PAPLN: variants seen among roughly 807,000 people sequenced by gnomAD.
PAPLN encodes papilin.
Under a neutral mutation model 159.0 loss-of-function variants are expected in PAPLN, and 146 were observed. That is an observed-to-expected ratio of 0.92 (90% CI 0.80 to 1.05). The LOEUF (loss-of-function observed/expected upper bound fraction) is 1.05. Ranked by LOEUF, PAPLN falls within the 50% of genes least tolerant of loss-of-function variation. The pLI is 0.00. For synonymous variants in PAPLN, 734 were observed against 702.9 expected (o/e 1.04, Z -0.70); for missense variants, 1,720 against 1,743.9 (o/e 0.99, Z 0.24).
Position 73,260,790 on chromosome 14 carries a change from C to T in PAPLN, c.2067C>T (p.Ser689=), listed in dbSNP as rs774278469. ...AGCTKSYGGD[S]TGGMPRSRAV... ...GCACAAAGTCGTATGGTGGTGACAG[C>T]ACCGGGGGCATGCCCAGGTCAAGGG... Residue 689 remains serine (S), a synonymous_variant, in exon 17 of 27, where the codon AGC becomes AGT. Transcript: ENST00000644200. 3 of 1,494,450 alleles carry T rather than the reference C, an allele frequency of 2.0e-6. No homozygotes were observed. The highest frequency in any genetic ancestry group is 1.4e-5 in the South Asian group (1 of 71,410). The allele number at this position is 1,494,450 out of a possible 1,614,324, so 92.6% of individuals were successfully genotyped here.
rs745888538 is a variant in PAPLN at position 73,268,562 on chromosome 14, G to T, written c.3506G>T (p.Gly1169Val). 1 of 1,611,722 alleles carries T rather than the reference G, an allele frequency of 6.2e-7. No individual in the cohort carries two copies. Among genetic ancestry groups the T allele is most frequent in the East Asian group, 2.2e-5 (1 of 44,766 alleles). Reference protein sequence around the residue: ...ESVNIRWSRNGLPVQADGHRV... With the variant: ...ESVNIRWSRNVLPVQADGHRV... ...CAGTGTCCTCTCTCCTCCAGGAACG[G>T]GCTACCTGTGCAGGCTGATGGCCAC... The change falls in exon 26 of 27, where the codon GGG becomes GTG. Residue 1169 changes from glycine (G) to valine (V), a missense_variant. Transcript: ENST00000644200.
rs762145608 is a variant in PAPLN at position 73,253,973 on chromosome 14, G to A, written c.1302+12G>A. 1 of 1,603,468 alleles carries A rather than the reference G, an allele frequency of 6.2e-7. No individual in the cohort carries two copies. Among genetic ancestry groups the A allele is most frequent in the Admixed American group, 1.7e-5 (1 of 59,634 alleles). On this transcript the variant is annotated intron_variant, in intron 12 of 26. Coordinates refer to ENST00000644200, the MANE Select transcript of PAPLN (RefSeq NM_001365906.3). ...AGCCCTGGGGAGAGGTCAGGCCCCT[G>A]GCCCGCATGGGGCTGGTGCTGGACC...
intron 11 of PAPLN, 56 bp downstream of exon 11, chr14:73,252,831 G>A (rs921899581): frequency 1.1e-5 from 18 of 1,605,272 alleles, no homozygotes; most frequent in Admixed American, 1.7e-5. Flanking sequence ...TGGGTGGGAA[G>A]GGAACAAGGC....
chr14:73,258,930 C>T, intron 14 of PAPLN, 49 bp from the exon 15 acceptor site: 2 of 1,532,402 alleles, frequency 1.3e-6, no homozygotes, highest in Non-Finnish European at 1.8e-6. Context: ...TCAGGTCCAT[C>T]CTCTCTTCCT....
In PAPLN at chr14:73,274,394, C is replaced by T. The variant is rs1290601364; in HGVS notation, c.*1730C>T. 6.6e-6 allele frequency: 1 copy of T among 152,142 alleles called. No homozygotes were observed. Among genetic ancestry groups the T allele is most frequent in the Non-Finnish European group, 1.5e-5 (1 of 68,036 alleles). 9.4% of individuals were successfully genotyped at this position (152,142 alleles called of 1,614,324 possible). On this transcript the variant is annotated 3_prime_UTR_variant, in exon 27 of 27. Transcript: ENST00000644200. The stretch of plus-strand genomic sequence containing the variant: ...CAGGAAAGACGGGCATTACAGGGAC[C>T]AAAGCTCTGAAAGGTGACTTTTATT...
intron 18 of PAPLN, 82 bp from the exon 19 acceptor site, chr14:73,262,268 C>G: frequency 7.3e-7 from 1 of 1,367,896 alleles, no homozygotes; most frequent in Non-Finnish European, 1.0e-6. Flanking sequence ...GGCCTGCTTC[C>G]TGAGTCGGAG....
rs545426744 is a variant in PAPLN, at chr14:73,271,005, C to T, written c.3668-1490C>T. Among the ~76,000 whole-genome samples, 12 of 152,284 alleles carry T rather than the reference C, an allele frequency of 7.9e-5. No individual in the cohort carries two copies. In the South Asian group the frequency reaches 1.5e-3, roughly 18 times the overall value. On this transcript the variant is annotated intron_variant, in intron 26 of 26. Coordinates refer to ENST00000644200, the MANE Select transcript of PAPLN (RefSeq NM_001365906.3). ...CTCTACTGGGAGGACTTCTCAACAT[C>T]GCTGTGAAGTAGGTTGCTGTTGCTG... is the stretch of plus-strand genomic sequence containing the variant.
Position 73,245,805 on chromosome 14 carries a change from C to A in PAPLN, c.231+109C>A. On this transcript the variant is annotated intron_variant, in intron 4 of 26. Coordinates refer to ENST00000644200, the MANE Select transcript of PAPLN (RefSeq NM_001365906.3). This position sits in a 1 kb window ranked among gnomAD's most constrained non-coding sequence, Gnocchi z 4.2. ...CCGCGGGCTGCTGGGTTGGCCCAGC[C>A]TGGGGTCCTCCCGCCAATCCACAGC... The A allele has an allele frequency of 1.5e-6, 2 of 1,369,336 alleles. No individual in the cohort carries two copies. The highest frequency in any genetic ancestry group is 2.0e-6 in the Non-Finnish European group (2 of 1,012,352). 84.8% of individuals were successfully genotyped at this position (1,369,336 alleles called of 1,614,324 possible).
rs145637886 is a variant in PAPLN, at chr14:73,259,334, C to T, written c.1774C>T (p.Arg592Ter). Residue 592 changes from arginine (R) to a stop codon, truncating the protein, a stop_gained, in exon 16 of 27, where the codon CGA becomes TGA. Coordinates refer to ENST00000644200, the MANE Select transcript of PAPLN (RefSeq NM_001365906.3). LOFTEE classifies it high-confidence loss of function. ...AGCCAGGGGTGACCACAGGGGAGAA[C>T]GAGGTGACCCCAGGGGCGACCAAGG... is the stretch of plus-strand genomic sequence containing the variant. Reference protein sequence around the residue: ...PSARGDHRGERGDPRGDQGTH... With the variant: ...PSARGDHRGE 7.1e-5 allele frequency: 114 copies of T among 1,609,088 alleles called. 1 individual carries two copies. The African/African-American group carries it at 7.7e-4, about 11-fold the overall frequency.
upstream of PAPLN, among the ~76,000 whole-genome samples, chr14:73,236,678 A>T (rs147635066): frequency 2.6e-5 from 4 of 151,982 alleles, no homozygotes; most frequent in Admixed American, 1.3e-4. Context: ...TTAGCCAGGC[A>T]TCATACAGAC....
chr14:73,258,740 C>T (rs61986935), intron 14 of PAPLN, among the ~76,000 whole-genome samples: 3,522 of 152,008 alleles, frequency 0.023, 63 homozygotes, highest in Non-Finnish European at 0.039. Flanking sequence ...TCAGCCTGGG[C>T]GACAGAGACC....
chr14:73,266,569 C>T lies in PAPLN; in HGVS notation c.3332C>T (p.Thr1111Ile). ...GCTGTAGAAGATGGCGGCTTCTACACCTGTGTCGCTTTCAATGGGCAGGAC... is the reference window on the plus strand; with the variant it reads ...GCTGTAGAAGATGGCGGCTTCTACATCTGTGTCGCTTTCAATGGGCAGGAC... ...RVAVEDGGFY[T>I]CVAFNGQDRD... The change falls in exon 24 of 27, where the codon ACC becomes ATC. Residue 1111 changes from threonine (T) to isoleucine (I), a missense_variant. Transcript: ENST00000644200. The T allele has an allele frequency of 1.2e-6, 2 of 1,614,166 alleles. No individual in the cohort carries two copies. Among genetic ancestry groups the T allele is most frequent in the Non-Finnish European group, 1.7e-6 (2 of 1,180,036 alleles).
rs768917841 is a variant in PAPLN, at chr14:73,272,376, C to T, written c.3668-119C>T. ...AAAAGGTTACAGGGTAAGTGCACTTCGTTTTCAATCTGGCAGTTATAATGC... is the reference window on the plus strand; with the variant it reads ...AAAAGGTTACAGGGTAAGTGCACTTTGTTTTCAATCTGGCAGTTATAATGC... On this transcript the variant is annotated intron_variant, in intron 26 of 26. Coordinates refer to ENST00000644200, the MANE Select transcript of PAPLN (RefSeq NM_001365906.3). 2.8e-5 allele frequency: 27 copies of T among 979,930 alleles called. 1 individual carries two copies. The highest frequency in any genetic ancestry group is 6.2e-5 in the South Asian group (3 of 48,056). The allele number at this position is 979,930 out of a possible 1,614,324, so 60.7% of individuals were successfully genotyped here.
chr14:73,252,792 C>A lies in PAPLN; in HGVS notation c.1094+17C>A, dbSNP rs966099215. On this transcript the variant is annotated intron_variant, in intron 11 of 26. Transcript: ENST00000644200. Reference sequence around the variant, plus strand: ...GACCAAGCGGTGAGACCTTGCCAGCCCCTCTACCCATGATGAGGCCCAAGA... The same window carrying A: ...GACCAAGCGGTGAGACCTTGCCAGCACCTCTACCCATGATGAGGCCCAAGA... 1 of 1,612,686 alleles carries A rather than the reference C, an allele frequency of 6.2e-7. No homozygotes were observed.
chr14:73,253,151 G>C lies in PAPLN; in HGVS notation c.1094+376G>C, dbSNP rs199908995. On this transcript the variant is annotated intron_variant, in intron 11 of 26. Coordinates refer to ENST00000644200, the MANE Select transcript of PAPLN (RefSeq NM_001365906.3). ...GTTGGCATCGGCCATGGCTTTGTTC[G>C]TGCACAAAGGACCTCTTACCTGCAC... is the stretch of plus-strand genomic sequence containing the variant. 223 of 1,375,228 alleles carry C rather than the reference G, an allele frequency of 1.6e-4. No homozygotes were observed. The African/African-American group carries it at 2.9e-3, about 18-fold the overall frequency. The allele number at this position is 1,375,228 out of a possible 1,614,324, so 85.2% of individuals were successfully genotyped here.
chr14:73,262,279 G>A (rs1886667682), intron 18 of PAPLN, 71 bp from the exon 19 acceptor site: 1 of 1,430,552 alleles, frequency 7.0e-7, no homozygotes, highest in Non-Finnish European at 9.6e-7. Flanking sequence ...TGAGTCGGAG[G>A]CTGAGAGGAT....
intron 14 of PAPLN, among the ~76,000 whole-genome samples, chr14:73,255,367 G>A (rs1366994914): frequency 6.6e-6 from 1 of 152,144 alleles, no homozygotes; most frequent in Non-Finnish European, 1.5e-5. Context: ...TGAGGACTGG[G>A]TCCCCAACTT....
chr14:73,263,899 C>CT (rs1157863804), intron 20 of PAPLN, 117 bp downstream of exon 20: 6 of 1,262,430 alleles, frequency 4.8e-6, no homozygotes, highest in Admixed American at 2.1e-5. Context: ...CCCCCTCCTC[C>CT]TTTGACAGGT....
intron 25 of PAPLN, 29 bp downstream of exon 25, chr14:73,266,860 T>TC (rs1404032354): frequency 3.2e-6 from 5 of 1,576,608 alleles, no homozygotes; most frequent in African/African-American, 1.4e-5. Flanking sequence ...GTTGTCCCTG[T>TC]CCCCAGACCT....
Sources: gnomAD v4.1 joint callset for allele counts (sites outside exome capture counted in the v4.1 genomes callset) on GRCh38, gnomAD v4.1.1 for gene constraint, Gnocchi (gnomAD v3.1) non-coding constraint, MANE v1.5 for transcripts, NCBI Gene and HGNC (gene_info 2026-07-23, HGNC 2026-07-21) for gene names.